MBTPS1: variants seen among roughly 807,000 people sequenced by gnomAD.
The protein encoded by MBTPS1 is membrane bound transcription factor peptidase, site 1.
In MBTPS1, 94 loss-of-function variants were observed where a neutral mutation model predicts 127.8. The ratio of observed to expected loss-of-function variants is 0.74; its 90% CI spans 0.62 to 0.87. The LOEUF is 0.87. Ranked by LOEUF, MBTPS1 falls within the 40% of genes least tolerant of loss-of-function variation. MBTPS1 has a pLI of 0.00. For missense variants in MBTPS1, 1,636 were observed against 1,353.2 expected (o/e 1.21, Z -3.28); for synonymous variants, 632 against 509.4 (o/e 1.24, Z -3.24).
intron 10 of MBTPS1, among the ~76,000 whole-genome samples, chr16:84,084,475 G>A (rs560415687): frequency 1.3e-5 from 2 of 152,262 alleles, no homozygotes; most frequent in African/African-American, 2.4e-5. Flanking sequence ...GTGTTCATTC[G>A]TTTCACTAGA....
At chr16:84,064,380 G>A (rs1218075194) in intron 18 of MBTPS1, among the ~76,000 whole-genome samples, 2 of 152,056 alleles carry the variant, frequency 1.3e-5, no homozygotes, top group Admixed American at 1.3e-4. Flanking sequence ...GGTATTTGAT[G>A]GGAGTTTTAT....
chr16:84,106,270 G>A (rs2086322553), intron 1 of MBTPS1, among the ~76,000 whole-genome samples: 1 of 152,072 alleles, frequency 6.6e-6, no homozygotes, highest in African/African-American at 2.4e-5. Flanking sequence ...ACTCCAGCCT[G>A]GGCAACAAGA....
chr16:84,090,996 TGTCA>T, intron 7 of MBTPS1, 54 bp from the exon 8 acceptor site: 1 of 883,848 alleles, frequency 1.1e-6, no homozygotes, highest in Non-Finnish European at 1.7e-6. Context: ...AACATATAAC[TGTCA>T]AAAAAAAAAA....
intron 11 of MBTPS1, among the ~76,000 whole-genome samples, chr16:84,080,999 A>T (rs999254471): frequency 6.6e-5 from 10 of 152,246 alleles, no homozygotes; most frequent in Non-Finnish European, 1.0e-4. Context: ...AACCAAGAAG[A>T]CAGGACAATG....
Position 84,101,354 on chromosome 16 carries a change from G to A in MBTPS1, c.163+267C>T, listed in dbSNP as rs116313458. ...TCAAAACAAAAAATTAGCCAGGGACGGTGGCAGTCACCTATAATCCCAGCT... is the reference window on the plus strand; with the variant it reads ...TCAAAACAAAAAATTAGCCAGGGACAGTGGCAGTCACCTATAATCCCAGCT... On this transcript the variant is annotated intron_variant, in intron 2 of 22. Transcript: ENST00000343411. Among the ~76,000 whole-genome samples, 1,203 of 151,772 alleles carry A rather than the reference G, an allele frequency of 7.9e-3. 19 individuals carry two copies. The highest frequency in any genetic ancestry group is 0.027 in the African/African-American group (1,136 of 41,386).
intron 11 of MBTPS1, among the ~76,000 whole-genome samples, chr16:84,077,004 C>T (rs949513443): frequency 1.3e-4 from 20 of 152,008 alleles, no homozygotes; most frequent in Admixed American, 2.0e-4. Context: ...GGCGGGAGGA[C>T]GGCTTGAGCC....
intron 1 of MBTPS1, among the ~76,000 whole-genome samples, chr16:84,104,037 A>C (rs1055355356): frequency 2.0e-5 from 3 of 152,224 alleles, no homozygotes; most frequent in African/African-American, 7.2e-5. Context: ...CCTACTTCTT[A>C]GTTTCTTTAT....
chr16:84,065,621 G>T, intron 18 of MBTPS1, 69 bp downstream of exon 18: 1 of 990,454 alleles, frequency 1.0e-6, no homozygotes, highest in South Asian at 1.3e-5. Context: ...ATGAGAGACA[G>T]AGAGAGAAGC....
chr16:84,095,416 G>A (rs1005505770), intron 4 of MBTPS1, among the ~76,000 whole-genome samples, 186 bp downstream of exon 4: 2 of 152,246 alleles, frequency 1.3e-5, no homozygotes, highest in African/African-American at 2.4e-5. Flanking sequence ...AGTCAAAGAT[G>A]AGGAGTACTT....
chr16:84,108,148 C>A (rs74522793), intron 1 of MBTPS1, among the ~76,000 whole-genome samples: 8 of 152,010 alleles, frequency 5.3e-5, no homozygotes, highest in Non-Finnish European at 1.2e-4. Flanking sequence ...ACAATGCAAA[C>A]CCGATGGGCA....
intron 19 of MBTPS1, 49 bp downstream of exon 19, chr16:84,063,256 G>C: frequency 1.3e-6 from 2 of 1,584,266 alleles, no homozygotes; most frequent in East Asian, 2.3e-5. Flanking sequence ...ACAAAGGGAA[G>C]AAAGGATCTG....
At chr16:84,105,289 G>C (rs2086308417) in intron 1 of MBTPS1, among the ~76,000 whole-genome samples, 1 of 152,112 alleles carries the variant, frequency 6.6e-6, no homozygotes, top group South Asian at 2.1e-4. Context: ...GATACTATCA[G>C]GTACTACAGA....
intron 1 of MBTPS1, among the ~76,000 whole-genome samples, chr16:84,103,218 G>C (rs562829138): frequency 1.3e-5 from 2 of 151,868 alleles, no homozygotes; most frequent in Admixed American, 1.3e-4. Flanking sequence ...AAGCAAGAGA[G>C]GCCTTCCAGT....
At chr16:84,058,623 G>A (rs1409045003) in intron 21 of MBTPS1, among the ~76,000 whole-genome samples, 1 of 152,212 alleles carries the variant, frequency 6.6e-6, no homozygotes, top group Non-Finnish European at 1.5e-5. Flanking sequence ...GTAAGGGGGT[G>A]GCATCTGGAG....
rs1294615314 is a variant in MBTPS1 at position 84,116,747 on chromosome 16, G to T, written c.-337C>A. The T allele has an allele frequency of 6.6e-6, 1 of 152,146 alleles. No homozygotes were observed. Among genetic ancestry groups the T allele is most frequent in the Non-Finnish European group, 1.5e-5 (1 of 68,050 alleles). The allele number at this position is 152,146 out of a possible 1,614,324, so 9.4% of individuals were successfully genotyped here. ...GCGGCTGACGTACCTGCGCCGCCGG[G>T]AGCTCAGGGCCGGCGGGCCCGGGAT... On this transcript the variant is annotated 5_prime_UTR_variant, in exon 1 of 23. Coordinates refer to ENST00000343411, the MANE Select transcript of MBTPS1 (RefSeq NM_003791.4).
At position 84,090,922 on chromosome 16, in the gene MBTPS1, G is replaced by T. The variant is rs750646863; in HGVS notation, c.984C>A (p.Asn328Lys). ...FVDKVWELTA[N>K]NVIMVSAIGN... The stretch of plus-strand genomic sequence containing the variant: ...CAATAGCAGAAACCATGATTACATT[G>T]TTAGCTGTTAATTCCCACACCTACA... The change falls in exon 8 of 23, where the codon AAC becomes AAA. Residue 328 changes from asparagine to lysine, a missense_variant. Physicochemically the swap from Asn to Lys is moderately conservative, Grantham distance 94. Coordinates refer to ENST00000343411, the MANE Select transcript of MBTPS1 (RefSeq NM_003791.4). 2 of 1,610,014 alleles carry T rather than the reference G, an allele frequency of 1.2e-6. No homozygotes were observed. Among genetic ancestry groups the T allele is most frequent in the Non-Finnish European group, 1.7e-6 (2 of 1,178,164 alleles).
At chr16:84,115,307 TG>T (rs2086458812) in intron 1 of MBTPS1, among the ~76,000 whole-genome samples, 1 of 152,212 alleles carries the variant, frequency 6.6e-6, no homozygotes, top group African/African-American at 2.4e-5. Context: ...CCGCAAGCTC[TG>T]CATTGGAATT....
In MBTPS1 at chr16:84,099,440, C is replaced by G. The variant is rs144847454; in HGVS notation, c.164-130G>C. The G allele has an allele frequency of 1.9e-5, 17 of 914,676 alleles. No homozygotes were observed. In the East Asian group the frequency reaches 4.5e-4, roughly 24 times the overall value. The allele number at this position is 914,676 out of a possible 1,614,324, so 56.7% of individuals were successfully genotyped here. A position where few individuals can be genotyped will look rare whatever the true frequency, so the allele number is the denominator to read the frequency against. On this transcript the variant is annotated intron_variant, in intron 2 of 22. Transcript: ENST00000343411. ...AGCCCACAGCAGACGAGAGAAAACA[C>G]AAAGACTAGTTTAAGTACCTAGACA... is the stretch of plus-strand genomic sequence containing the variant.
chr16:84,086,613 G>C (rs2086031295), intron 9 of MBTPS1: 1 of 152,226 alleles, frequency 6.6e-6, no homozygotes. Flanking sequence ...GTGTGGACGA[G>C]GCCCACAGTG....
Sources: gnomAD v4.1 joint callset for allele counts (sites outside exome capture counted in the v4.1 genomes callset) on GRCh38, gnomAD v4.1.1 for gene constraint, MANE v1.5 for transcripts, NCBI Gene and HGNC (gene_info 2026-07-23, HGNC 2026-07-21) for gene names.